Variants in ADAMTS12 observed in about 807,000 individuals in gnomAD.
The protein encoded by ADAMTS12 is ADAM metallopeptidase with thrombospondin type 1 motif 12.
ADAMTS12 carries 118 observed loss-of-function variants against 167.8 expected under a neutral mutation model. The observed-to-expected ratio is 0.70, with a 90% CI of 0.61 to 0.82. The LOEUF (loss-of-function observed/expected upper bound fraction) is 0.82, where lower values mean the gene tolerates loss of function less well. ADAMTS12 is among the 40% of genes least tolerant of loss of function. The probability of loss-of-function intolerance (pLI) is 0.00; values close to 1 mark genes in which losing one functional copy is unlikely to be tolerated. For synonymous variants in ADAMTS12, 704 were observed against 716.9 expected (o/e 0.98, Z 0.29); for missense variants, 1,916 against 1,998.8 (o/e 0.96, Z 0.79).
chr5:33,547,202 C>G (rs923510698), intron 21 of ADAMTS12, among the ~76,000 whole-genome samples: 3 of 152,136 alleles, frequency 2.0e-5, no homozygotes, highest in African/African-American at 7.2e-5. Flanking sequence ...CACCACCTGC[C>G]TAAGTAATTT....
chr5:33,634,309 G>A (rs1435999834), intron 12 of ADAMTS12, among the ~76,000 whole-genome samples: 1 of 152,130 alleles, frequency 6.6e-6, no homozygotes, highest in Non-Finnish European at 1.5e-5. Context: ...ACACTTGGTT[G>A]AATGCTATTG....
intron 23 of ADAMTS12, among the ~76,000 whole-genome samples, chr5:33,528,259 G>A (rs1743917278): frequency 6.6e-6 from 1 of 151,786 alleles, no homozygotes; most frequent in African/African-American, 2.4e-5. Flanking sequence ...AATAGACAGG[G>A]GGCCCAGGGA....
chr5:33,698,640 A>T (rs991754775), intron 3 of ADAMTS12, among the ~76,000 whole-genome samples: 3 of 23,598 alleles, frequency 1.3e-4, no homozygotes, highest in African/African-American at 3.1e-4. Flanking sequence ...ATTACATTTT[A>T]AAAAGCTTAA....
chr5:33,805,942 T>C (rs1747211947), intron 2 of ADAMTS12, among the ~76,000 whole-genome samples: 1 of 151,904 alleles, frequency 6.6e-6, no homozygotes. Flanking sequence ...AAAAAAAGAC[T>C]TTGTAAAGAA....
rs550385076 is a variant in ADAMTS12, at chr5:33,757,882, T to C, written c.490-6334A>G. Among the ~76,000 whole-genome samples, 5 of 152,280 alleles carry C rather than the reference T, an allele frequency of 3.3e-5. No homozygotes were observed. The East Asian group carries it at 9.7e-4, about 29-fold the overall frequency. ...TGACATATGGTAGGTGCTCAATAAA[T>C]GCACAGTTGCTCATTTCATCATAGC... On this transcript the variant is annotated intron_variant, in intron 2 of 23. Coordinates refer to ENST00000504830, the MANE Select transcript of ADAMTS12 (RefSeq NM_030955.4).
intron 17 of ADAMTS12, among the ~76,000 whole-genome samples, chr5:33,589,187 G>A (rs952429423): frequency 3.9e-5 from 6 of 152,158 alleles, no homozygotes. Context: ...TGAGTGTTGT[G>A]TTGTACATGA....
chr5:33,653,306 T>C (rs1015137748), intron 7 of ADAMTS12, among the ~76,000 whole-genome samples: 5 of 152,138 alleles, frequency 3.3e-5, no homozygotes, highest in Non-Finnish European at 5.9e-5. Context: ...CCTGTTACAA[T>C]GGTGGATTAT....
At chr5:33,780,028 G>A (rs2112439904) in intron 2 of ADAMTS12, among the ~76,000 whole-genome samples, 1 of 152,300 alleles carries the variant, frequency 6.6e-6, no homozygotes, top group South Asian at 2.1e-4. Context: ...ATGGATATGT[G>A]AATTAGCTTA....
chr5:33,809,815 C>T (rs1272316102), intron 2 of ADAMTS12, among the ~76,000 whole-genome samples: 2 of 151,598 alleles, frequency 1.3e-5, no homozygotes, highest in African/African-American at 4.9e-5. Flanking sequence ...TTAGTAAAGA[C>T]GTGGAGCATG....
chr5:33,869,386 C>G (rs1038267984), intron 2 of ADAMTS12, among the ~76,000 whole-genome samples: 2 of 152,020 alleles, frequency 1.3e-5, no homozygotes, highest in Non-Finnish European at 2.9e-5. Flanking sequence ...GATGTCCAAG[C>G]AGAAGTCTGC....
chr5:33,677,685 A>T (rs1271361996), intron 5 of ADAMTS12, among the ~76,000 whole-genome samples: 2 of 152,224 alleles, frequency 1.3e-5, no homozygotes, highest in Admixed American at 1.3e-4. Flanking sequence ...AGACAGGGAC[A>T]TGACAGGAGT....
intron 2 of ADAMTS12, among the ~76,000 whole-genome samples, chr5:33,817,975 GATTT>G (rs529262059): frequency 3.3e-5 from 5 of 152,144 alleles, no homozygotes; most frequent in Middle Eastern, 3.4e-3. Context: ...GCAAGGTATG[GATTT>G]ATTTGTCTTT....
chr5:33,630,969 C>A, intron 12 of ADAMTS12, 56 bp from the exon 13 acceptor site: 1 of 1,593,238 alleles, frequency 6.3e-7, no homozygotes, highest in Non-Finnish European at 8.6e-7. Flanking sequence ...TCAGCATCCT[C>A]CCCCAGGATT....
intron 3 of ADAMTS12, among the ~76,000 whole-genome samples, chr5:33,696,583 C>T (rs1742786139): frequency 6.6e-6 from 1 of 152,092 alleles, no homozygotes; most frequent in African/African-American, 2.4e-5. Flanking sequence ...TGGTTTTTCC[C>T]TCATCTAATT....
At chr5:33,799,918 G>A (rs1746931978) in intron 2 of ADAMTS12, among the ~76,000 whole-genome samples, 1 of 152,130 alleles carries the variant, frequency 6.6e-6, no homozygotes, top group African/African-American at 2.4e-5. Flanking sequence ...TTAAATGAAG[G>A]AGCAACAGAG....
At chr5:33,759,278 A>G (rs1337765872) in intron 2 of ADAMTS12, among the ~76,000 whole-genome samples, 1 of 152,214 alleles carries the variant, frequency 6.6e-6, no homozygotes, top group Non-Finnish European at 1.5e-5. Context: ...AATCAACCAT[A>G]GACGCCAGGT....
intron 17 of ADAMTS12, among the ~76,000 whole-genome samples, chr5:33,592,877 A>C (rs1561152786): frequency 6.6e-6 from 1 of 152,268 alleles, no homozygotes; most frequent in Admixed American, 6.5e-5. Flanking sequence ...GATCATGGAA[A>C]TTCGGTGACA....
chr5:33,762,555 A>T (rs1396421419), intron 2 of ADAMTS12, among the ~76,000 whole-genome samples: 1 of 152,030 alleles, frequency 6.6e-6, no homozygotes, highest in African/African-American at 2.4e-5. Flanking sequence ...AGAAGAAAAA[A>T]GTTAGGAGGC....
chr5:33,541,291 G>A (rs970387346), intron 22 of ADAMTS12, among the ~76,000 whole-genome samples: 1 of 152,098 alleles, frequency 6.6e-6, no homozygotes, highest in Non-Finnish European at 1.5e-5. Flanking sequence ...GAGATAAAGA[G>A]TAAAAAGAAA....
Sources: gnomAD v4.1 joint callset for allele counts (sites outside exome capture counted in the v4.1 genomes callset) on GRCh38, gnomAD v4.1.1 for gene constraint, MANE v1.5 for transcripts, NCBI Gene and HGNC (gene_info 2026-07-23, HGNC 2026-07-21) for gene names.